The following OR51E2 variants were observed in gnomAD, a reference collection of about 807,000 sequenced individuals.
OR51E2 encodes the protein olfactory receptor family 51 subfamily E member 2.
Under a neutral mutation model 13.7 loss-of-function variants are expected in OR51E2, and 14 were observed. The observed-to-expected ratio is 1.02, with a 90% CI of 0.68 to 1.60. OR51E2 has a LOEUF of 1.60. Ranked by LOEUF, OR51E2 falls within the 40% of genes most tolerant of loss-of-function variation. OR51E2 has a pLI of 0.00. For missense variants in OR51E2, 483 were observed against 413.8 expected (o/e 1.17, Z -1.45); for synonymous variants, 180 against 157.6 (o/e 1.14, Z -1.07).
chr11:4,687,754 A>G (rs10500613), intron 1 of OR51E2, among the ~76,000 whole-genome samples: 5,729 of 152,214 alleles, frequency 0.038, 215 homozygotes, highest in East Asian at 0.22. Context: ...GAGTTTGGAA[A>G]GAGTTGTCTT....
Position 4,681,971 on chromosome 11 carries a change from T to G in OR51E2, c.741A>C (p.Val247=). The change falls in exon 2 of 2, where the codon GTA becomes GTC. Residue 247 remains valine (V), a synonymous_variant. Transcript: ENST00000396950. ...CAATAAGTGGCACATAGAAGGCGAG[T>G]ACCACACCAATGTGTGACACACAGG... is the stretch of plus-strand genomic sequence containing the variant. ...FGTCVSHIGV[V]LAFYVPLIGL... 2 of 1,613,970 alleles carry G rather than the reference T, an allele frequency of 1.2e-6. No homozygotes were observed. Among genetic ancestry groups the G allele is most frequent in the Non-Finnish European group, 1.7e-6 (2 of 1,179,936 alleles).
chr11:4,681,905 G>T lies in OR51E2; in HGVS notation c.807C>A (p.Pro269=). ...TGTCACCCATGACAACACGCACAAT[G>T]GGATGAAGGCTGTTTCCAAAGCGGT... ...VVHRFGNSLH[P]IVRVVMGDIY... Residue 269 remains proline (P), a synonymous_variant, in exon 2 of 2, where the codon CCC becomes CCA. Coordinates refer to ENST00000396950, the MANE Select transcript of OR51E2 (RefSeq NM_030774.4). The T allele has an allele frequency of 6.2e-7, 1 of 1,614,186 alleles. No homozygotes were observed. Among genetic ancestry groups the T allele is most frequent in the Non-Finnish European group, 8.5e-7 (1 of 1,180,040 alleles).
At chr11:4,688,128 T>G in intron 1 of OR51E2, among the ~76,000 whole-genome samples, 1 of 152,308 alleles carries the variant, frequency 6.6e-6, no homozygotes, top group Non-Finnish European at 1.5e-5. Flanking sequence ...AACATCATGT[T>G]GTAGTAATGA....
In OR51E2 at chr11:4,681,627, A is replaced by C; in HGVS notation, c.*122T>G. On this transcript the variant is annotated 3_prime_UTR_variant, in exon 2 of 2. Coordinates refer to ENST00000396950, the MANE Select transcript of OR51E2 (RefSeq NM_030774.4). ...CCTTTAGGTAGATGTACCATACTTT[A>C]GTTTACTATTCCAGCCAGAGAAAAG... The C allele has an allele frequency of 9.7e-7, 1 of 1,026,146 alleles. No homozygotes were observed. 63.6% of individuals were successfully genotyped at this position (1,026,146 alleles called of 1,614,324 possible).
intron 1 of OR51E2, among the ~76,000 whole-genome samples, chr11:4,686,238 A>T (rs1024167470): frequency 6.6e-6 from 1 of 152,182 alleles, no homozygotes; most frequent in Admixed American, 6.5e-5. Context: ...TTTTTATAGG[A>T]ACTTGAGAAG....
rs1207002993 is a variant in OR51E2, at chr11:4,680,219, T to C, written c.*1530A>G. On this transcript the variant is annotated 3_prime_UTR_variant, in exon 2 of 2. Coordinates refer to ENST00000396950, the MANE Select transcript of OR51E2 (RefSeq NM_030774.4). Reference sequence around the variant, plus strand: ...TTATCTTATACTCAAGTTCAGACAATAGCATGTGGTGTACATTCAAAATTT... The same window carrying C: ...TTATCTTATACTCAAGTTCAGACAACAGCATGTGGTGTACATTCAAAATTT... 1 of 152,116 alleles carries C rather than the reference T, an allele frequency of 6.6e-6. No homozygotes were observed. The highest frequency in any genetic ancestry group is 1.5e-5 in the Non-Finnish European group (1 of 68,022). 9.4% of individuals were successfully genotyped at this position (152,116 alleles called of 1,614,324 possible).
Position 4,682,032 on chromosome 11 carries a change from A to C in OR51E2, c.680T>G (p.Leu227Arg). 1 of 1,614,272 alleles carries C rather than the reference A, an allele frequency of 6.2e-7. No homozygotes were observed. Among genetic ancestry groups the C allele is most frequent in the East Asian group, 2.2e-5 (1 of 44,886 alleles). Residue 227 changes from leucine (L) to arginine (R), a missense_variant, in exon 2 of 2, where the codon CTG (leucine) becomes CGG (arginine). Coordinates refer to ENST00000396950, the MANE Select transcript of OR51E2 (RefSeq NM_030774.4). ...CTTGGCCCGCTCTGACTTGGAAGGC[A>C]GTTGCAGAACCGTTCGTATTATCAG... is the stretch of plus-strand genomic sequence containing the variant. ...YFLIIRTVLQ[L>R]PSKSERAKAF...
chr11:4,697,258 C>T (rs1847666290), intron 1 of OR51E2, among the ~76,000 whole-genome samples: 1 of 152,170 alleles, frequency 6.6e-6, no homozygotes, highest in African/African-American at 2.4e-5. Flanking sequence ...TATAAACTTT[C>T]TGTGACCCAG....
intron 1 of OR51E2, among the ~76,000 whole-genome samples, chr11:4,689,153 C>G (rs1338909551): frequency 3.3e-5 from 5 of 152,016 alleles, no homozygotes; most frequent in African/African-American, 1.2e-4. Flanking sequence ...GAACAAAGTC[C>G]CAGGACATTG....
At chr11:4,693,254 T>C (rs1847608553) in intron 1 of OR51E2, among the ~76,000 whole-genome samples, 1 of 152,140 alleles carries the variant, frequency 6.6e-6, no homozygotes, top group South Asian at 2.1e-4. Flanking sequence ...AGAAATAAGA[T>C]AAAATGATTT....
intron 1 of OR51E2, chr11:4,691,004 T>C: frequency 2.2e-6 from 1 of 455,604 alleles, no homozygotes; most frequent in South Asian, 1.6e-5. Context: ...TCCTCTCTTC[T>C]GGGGAAGCAA....
rs1847469859 is a variant in OR51E2 at position 4,682,598 on chromosome 11, C to T, written c.114G>A (p.Met38Ile). 6.2e-7 allele frequency: 1 copy of T among 1,614,094 alleles called. No homozygotes were observed. Among genetic ancestry groups the T allele is most frequent in the African/African-American group, 1.3e-5 (1 of 74,928 alleles). The change falls in exon 2 of 2, where the codon ATG becomes ATA. Residue 38 changes from methionine (M) to isoleucine (I), a missense_variant. Met to Ile is a conservative substitution (Grantham distance 10). Coordinates refer to ENST00000396950, the MANE Select transcript of OR51E2 (RefSeq NM_030774.4). The part of the protein sequence containing the change: ...FPLLSMYVVA[M>I]FGNCIVVFIV... ...TGAAGACCACGATGCAGTTTCCAAA[C>T]ATTGCCACTACATACATGGAAAGGA...
rs747248404 is a variant in OR51E2, at chr11:4,691,701, GT to G, written c.-51+5951del. 1.0e-4 allele frequency: 37 copies of G among 362,642 alleles called. 1 individual carries two copies. Among genetic ancestry groups the G allele is most frequent in the South Asian group, 7.5e-4 (36 of 47,858 alleles). The allele number at this position is 362,642 out of a possible 1,614,324, so 22.5% of individuals were successfully genotyped here. On this transcript the variant is annotated intron_variant, in intron 1 of 1. Transcript: ENST00000396950. The stretch of plus-strand genomic sequence containing the variant: ...GGAGGTGATATTCTGCAAAGTTGAC[GT>G]GATGAATTAAAAGTACAGAACGAGA...
At chr11:4,691,754 A>G (rs184100867) in intron 1 of OR51E2, 20 of 341,968 alleles carry the variant, frequency 5.8e-5, no homozygotes, top group Admixed American at 2.1e-4. Flanking sequence ...AAAAAGCTAC[A>G]TTCATTTGTG....
chr11:4,691,189 G>A (rs1847573779), intron 1 of OR51E2: 1 of 456,640 alleles, frequency 2.2e-6, no homozygotes, highest in African/African-American at 2.0e-5. Context: ...ACTTGGCTGT[G>A]GCAGTAGGAA....
intron 1 of OR51E2, among the ~76,000 whole-genome samples, chr11:4,694,171 A>T (rs1847622823): frequency 6.6e-6 from 1 of 151,980 alleles, no homozygotes; most frequent in African/African-American, 2.4e-5. Flanking sequence ...CATTTCAACA[A>T]TTTATTCATT....
chr11:4,695,461 G>A (rs528670217), intron 1 of OR51E2, among the ~76,000 whole-genome samples: 1 of 152,268 alleles, frequency 6.6e-6, no homozygotes, highest in Admixed American at 6.5e-5. Flanking sequence ...CTTGTGCTTT[G>A]ATAGTGAGGG....
rs754567358 is a variant in OR51E2 at position 4,681,873 on chromosome 11, A to G, written c.839T>C (p.Leu280Pro). Residue 280 changes from leucine to proline, a missense_variant, in exon 2 of 2, where the codon CTG (leucine) becomes CCG (proline). Physicochemically the swap from Leu to Pro is moderately conservative, Grantham distance 98. Coordinates refer to ENST00000396950, the MANE Select transcript of OR51E2 (RefSeq NM_030774.4). ...IVRVVMGDIYLLLPPVINPII... is the reference protein window; with the variant it reads ...IVRVVMGDIYPLLPPVINPII... ...GGGATTGATGACAGGAGGCAGCAGC[A>G]GGTAGATGTCACCCATGACAACACG... is the stretch of plus-strand genomic sequence containing the variant. 1.2e-6 allele frequency: 2 copies of G among 1,614,056 alleles called. No individual in the cohort carries two copies. Among genetic ancestry groups the G allele is most frequent in the Non-Finnish European group, 1.7e-6 (2 of 1,180,048 alleles).
chr11:4,696,173 A>G (rs1055595563), intron 1 of OR51E2, among the ~76,000 whole-genome samples: 1 of 152,144 alleles, frequency 6.6e-6, no homozygotes, highest in Non-Finnish European at 1.5e-5. Context: ...AAAGTAAATA[A>G]AATACTGTGG....
Sources: gnomAD v4.1 joint callset for allele counts (sites outside exome capture counted in the v4.1 genomes callset) on GRCh38, gnomAD v4.1.1 for gene constraint, MANE v1.5 for transcripts, NCBI Gene and HGNC (gene_info 2026-07-23, HGNC 2026-07-21) for gene names.